SIK3: variants seen among roughly 807,000 people sequenced by gnomAD.
The protein encoded by SIK3 is serine/threonine-protein kinase SIK3.
Under a neutral mutation model 144.2 loss-of-function variants are expected in SIK3, and 28 were observed. That is an observed-to-expected ratio of 0.19 (90% CI 0.14 to 0.27). SIK3 has a LOEUF of 0.27. Ranked by LOEUF, SIK3 falls within the 10% of genes least tolerant of loss-of-function variation. The probability of loss-of-function intolerance (pLI) is 1.00; values close to 1 mark genes in which losing one functional copy is unlikely to be tolerated. For synonymous variants in SIK3, 686 were observed against 676.3 expected (o/e 1.01, Z -0.22); for missense variants, 1,319 against 1,776.0 (o/e 0.74, Z 4.62).
At chr11:117,036,361 C>T (rs764791304) in intron 1 of SIK3, among the ~76,000 whole-genome samples, 2 of 152,166 alleles carry the variant, frequency 1.3e-5, no homozygotes, top group African/African-American at 2.4e-5. Context: ...CCCATTCTGA[C>T]TACCTAAAGG....
intron 1 of SIK3, among the ~76,000 whole-genome samples, chr11:116,996,013 G>T (rs1950652571): frequency 6.6e-6 from 1 of 152,012 alleles, no homozygotes; most frequent in Non-Finnish European, 1.5e-5. Flanking sequence ...TTATTAAAAA[G>T]GAACAAAATT....
chr11:117,057,717 C>T (rs979315152), intron 1 of SIK3, among the ~76,000 whole-genome samples: 24 of 152,204 alleles, frequency 1.6e-4, no homozygotes, highest in African/African-American at 5.8e-4. Context: ...GGTTCAAATT[C>T]CAACTCTGCT....
intron 1 of SIK3, among the ~76,000 whole-genome samples, chr11:117,092,803 G>T (rs7950093): frequency 0.39 from 59,874 of 151,982 alleles, 14,947 homozygotes; most frequent in African/African-American, 0.72. Flanking sequence ...TCTTTTACGC[G>T]ATGAACTAGA....
At chr11:117,094,928 C>T (rs952350320) in intron 1 of SIK3, among the ~76,000 whole-genome samples, 4 of 151,992 alleles carry the variant, frequency 2.6e-5, no homozygotes, top group Non-Finnish European at 4.4e-5. Flanking sequence ...TCTGCAGTGC[C>T]GCTCTAAGCA....
At chr11:116,929,772 C>G (rs1230368613) in intron 3 of SIK3, among the ~76,000 whole-genome samples, 6 of 152,186 alleles carry the variant, frequency 3.9e-5, no homozygotes, top group Non-Finnish European at 8.8e-5. Context: ...CTTTCACTTT[C>G]AAAGATGTTG....
intron 6 of SIK3, among the ~76,000 whole-genome samples, chr11:116,893,622 G>A (rs567793530): frequency 3.9e-5 from 6 of 152,028 alleles, no homozygotes; most frequent in African/African-American, 7.2e-5. Flanking sequence ...AGTGAGCCAC[G>A]ATCACACCAC....
At position 116,983,705 on chromosome 11, in the gene SIK3, CAT is replaced by C. The variant is rs537103178; in HGVS notation, c.274-26643_274-26642del. ...TGCTAACTTCTGCCCCGATACTTCA[CAT>C]GTTTTAAACACTATTGGGAGCTGTG... On this transcript the variant is annotated intron_variant, in intron 1 of 24. Coordinates refer to ENST00000445177, the MANE Select transcript of SIK3 (RefSeq NM_001366686.3). Among the ~76,000 whole-genome samples the C allele has an allele frequency of 1.7e-3, 263 of 152,298 alleles. 1 individual carries two copies. The highest frequency in any genetic ancestry group is 5.6e-3 in the African/African-American group (233 of 41,550).
At chr11:117,020,246 T>TACACAC (rs1555130052) in intron 1 of SIK3, among the ~76,000 whole-genome samples, 93 of 125,942 alleles carry the variant, frequency 7.4e-4, no homozygotes, top group Admixed American at 1.2e-3. Context: ...CATATATATA[T>TACACAC]ACACATACAT....
chr11:116,920,585 G>A (rs975577992), intron 4 of SIK3, among the ~76,000 whole-genome samples: 2 of 152,100 alleles, frequency 1.3e-5, no homozygotes, highest in Non-Finnish European at 1.5e-5. Context: ...CTGTACCCCC[G>A]TGCCTGTATC....
At chr11:116,908,814 C>T (rs186699560) in intron 4 of SIK3, among the ~76,000 whole-genome samples, 55 of 152,300 alleles carry the variant, frequency 3.6e-4, no homozygotes, top group South Asian at 2.9e-3. Flanking sequence ...CTCACACCTA[C>T]TGGAAACAGT....
Position 116,857,744 on chromosome 11 carries a change from T to C in SIK3, c.3655+66A>G, listed in dbSNP as rs574135017. On this transcript the variant is annotated intron_variant, in intron 21 of 24. Transcript: ENST00000445177. ...ACACAGAATACTAGCTGAAAAAAGA[T>C]AACATTACTGAGTCAGTTGATTAGG... is the stretch of plus-strand genomic sequence containing the variant. 2.1e-5 allele frequency: 32 copies of C among 1,547,848 alleles called. 2 individuals are homozygous for C. The Admixed American group carries it at 2.5e-4, about 12-fold the overall frequency.
intron 1 of SIK3, among the ~76,000 whole-genome samples, chr11:117,013,242 C>G (rs1035440783): frequency 2.0e-5 from 3 of 152,088 alleles, no homozygotes; most frequent in South Asian, 4.1e-4. Flanking sequence ...TGTAATCCCA[C>G]CACTTTGGGA....
chr11:117,086,331 G>T (rs192765664), intron 1 of SIK3, among the ~76,000 whole-genome samples: 10 of 152,284 alleles, frequency 6.6e-5, no homozygotes, highest in Non-Finnish European at 1.0e-4. Flanking sequence ...AACGAGGGAG[G>T]AGCAATTTAC....
At chr11:116,873,803 A>G (rs995876883) in intron 12 of SIK3, 100 bp downstream of exon 12, 34 of 1,493,998 alleles carry the variant, frequency 2.3e-5, no homozygotes, top group Non-Finnish European at 3.0e-5. Flanking sequence ...ATCTTTCTCT[A>G]TAAGTAAACC....
rs1336725761 is a variant in SIK3 at position 116,843,978 on chromosome 11, C to T, written c.*1665G>A. 4 of 152,138 alleles carry T rather than the reference C, an allele frequency of 2.6e-5. No individual in the cohort carries two copies. The highest frequency in any genetic ancestry group is 4.4e-5 in the Non-Finnish European group (3 of 68,028). 9.4% of individuals were successfully genotyped at this position (152,138 alleles called of 1,614,324 possible). ...ATCCCGCCAGCAACATCAGGATGGC[C>T]ATGCCGGGCACCCGCTTTCCTCTGT... On this transcript the variant is annotated 3_prime_UTR_variant, in exon 25 of 25. Transcript: ENST00000445177.
At chr11:117,085,430 G>A (rs754420349) in intron 1 of SIK3, among the ~76,000 whole-genome samples, 1 of 151,890 alleles carries the variant, frequency 6.6e-6, no homozygotes, top group Non-Finnish European at 1.5e-5. Flanking sequence ...CCCAGCCCTG[G>A]GGTTTGGTTT....
At chr11:116,862,636 G>A (rs1215923711) in intron 16 of SIK3, among the ~76,000 whole-genome samples, 1 of 152,130 alleles carries the variant, frequency 6.6e-6, no homozygotes, top group Non-Finnish European at 1.5e-5. Context: ...AAAGGAAATT[G>A]GCTCTTTATA....
chr11:117,012,827 GTTTT>G (rs397940864), intron 1 of SIK3, among the ~76,000 whole-genome samples: 3 of 133,926 alleles, frequency 2.2e-5, no homozygotes, highest in Non-Finnish European at 4.7e-5. Flanking sequence ...AATTCTTAGG[GTTTT>G]TTTTTTTGCC....
At chr11:116,990,144 C>A (rs1333504701) in intron 1 of SIK3, among the ~76,000 whole-genome samples, 1 of 152,178 alleles carries the variant, frequency 6.6e-6, no homozygotes, top group African/African-American at 2.4e-5. Flanking sequence ...TGACTGAACA[C>A]ATGAACTATG....
Sources: gnomAD v4.1 joint callset for allele counts (sites outside exome capture counted in the v4.1 genomes callset) on GRCh38, gnomAD v4.1.1 for gene constraint, MANE v1.5 for transcripts, NCBI Gene and HGNC (gene_info 2026-07-23, HGNC 2026-07-21) for gene names.